Variants in EPHA10 observed in about 807,000 individuals in gnomAD.
EPHA10 encodes the protein EPH receptor A10, also known as ephrin type-A receptor 10.
Under a neutral mutation model 109.7 loss-of-function variants are expected in EPHA10, and 120 were observed. That is an observed-to-expected ratio of 1.09 (90% CI 0.94 to 1.27). The LOEUF (loss-of-function observed/expected upper bound fraction) is 1.27, where lower values mean the gene tolerates loss of function less well. Among genes scored for constraint, EPHA10 ranks in the 50% most tolerant of loss-of-function variants. The pLI, the probability that EPHA10 is intolerant of heterozygous loss-of-function variation, is 0.00. For missense variants in EPHA10, 1,396 were observed against 1,411.1 expected, an observed-to-expected ratio of 0.99 and a Z score of 0.17; for synonymous variants, 640 against 618.9, an observed-to-expected ratio of 1.03 and a Z score of -0.51.
chr1:37,727,201 C>A lies in EPHA10; in HGVS notation c.1673G>T (p.Gly558Val). 6.2e-7 allele frequency: 1 copy of A among 1,601,216 alleles called. No individual in the cohort carries two copies. Among genetic ancestry groups the A allele is most frequent in the Non-Finnish European group, 8.5e-7 (1 of 1,173,588 alleles). ...AATGGCGGGGCTCTGGTCCCTGGAC[C>A]CTGAGGCAGCTGGGAGGAAAATCAC... ...EVQTLGEAASGSRDQSPAIVV... is the reference protein window; with the variant it reads ...EVQTLGEAASVSRDQSPAIVV... Residue 558 changes from glycine to valine, a missense_variant, in exon 8 of 17, where the codon GGG (glycine) becomes GTG (valine). Gly to Val is a moderately radical substitution (Grantham distance 109). Coordinates refer to ENST00000373048, the MANE Select transcript of EPHA10 (RefSeq NM_001099439.2).
intron 5 of EPHA10, among the ~76,000 whole-genome samples, chr1:37,743,688 A>G (rs2148349287): frequency 6.6e-6 from 1 of 152,346 alleles, no homozygotes; most frequent in African/African-American, 2.4e-5. Context: ...CTCAGTGTAA[A>G]ATACTCATTG....
intron 7 of EPHA10, among the ~76,000 whole-genome samples, chr1:37,729,548 T>G (rs1289937759): frequency 2.6e-5 from 4 of 151,290 alleles, no homozygotes; most frequent in Non-Finnish European, 5.9e-5. Flanking sequence ...CATAGCAAGA[T>G]TCCATCGCTC....
intron 5 of EPHA10, among the ~76,000 whole-genome samples, chr1:37,735,798 T>C (rs1348599322): frequency 6.6e-6 from 1 of 151,984 alleles, no homozygotes; most frequent in East Asian, 1.9e-4. Context: ...ATTCCAATGG[T>C]CTGGTCAAGA....
At chr1:37,719,757 C>T in intron 14 of EPHA10, 150 bp from the exon 15 acceptor site, 1 of 1,451,438 alleles carries the variant, frequency 6.9e-7, no homozygotes. Context: ...CCCAAGGAAG[C>T]CTGGGGCAGT....
intron 5 of EPHA10, among the ~76,000 whole-genome samples, chr1:37,751,404 ACT>A (rs1293606099): frequency 6.6e-6 from 1 of 151,338 alleles, no homozygotes; most frequent in African/African-American, 2.4e-5. Context: ...CCCCATCTCT[ACT>A]AAAAATACAA....
intron 2 of EPHA10, 92 bp downstream of exon 2, chr1:37,762,693 C>T (rs1206098936): frequency 8.3e-7 from 1 of 1,210,820 alleles, no homozygotes; most frequent in South Asian, 1.9e-5. Context: ...CTGAGGAGCA[C>T]TTTTGTCTGA....
chr1:37,757,713 C>T (rs1646401407), intron 3 of EPHA10, among the ~76,000 whole-genome samples: 1 of 152,170 alleles, frequency 6.6e-6, no homozygotes, highest in South Asian at 2.1e-4. Context: ...AAACCTCCTC[C>T]TCTCACTCCT....
intron 11 of EPHA10, 80 bp downstream of exon 11, chr1:37,721,580 G>C: frequency 1.4e-6 from 2 of 1,409,968 alleles, no homozygotes; most frequent in Non-Finnish European, 1.9e-6. Flanking sequence ...GAGAGGCAGG[G>C]GCACTCCAAA....
At chr1:37,725,180 T>C (rs12747993) in intron 8 of EPHA10, among the ~76,000 whole-genome samples, 41,495 of 151,754 alleles carry the variant, frequency 0.27, 5,967 homozygotes, top group Middle Eastern at 0.43. Context: ...AAAGACAGGG[T>C]GTCTGCAGAC....
chr1:37,731,520 G>A lies in EPHA10; in HGVS notation c.1554C>T (p.Asn518=). 3 of 1,614,136 alleles carry A rather than the reference G, an allele frequency of 1.9e-6. No individual in the cohort carries two copies. The highest frequency in any genetic ancestry group is 2.2e-5 in the South Asian group (2 of 91,078). Residue 518 remains asparagine (N), a synonymous_variant, in exon 7 of 17, where the codon AAC becomes AAT. Transcript: ENST00000373048. Reference sequence around the variant, plus strand: ...AGACGTAGCGGGTAGCCGGCTTCAGGTTGGTGACGGTGACTGTGGGCGCCC... The same window carrying A: ...AGACGTAGCGGGTAGCCGGCTTCAGATTGGTGACGGTGACTGTGGGCGCCC... ...KTGAPTVTVT[N]LKPATRYVFQ... is the part of the protein sequence containing the mutation.
rs186529448 is a variant in EPHA10, at chr1:37,749,889, G to A, written c.1357+2987C>T. 6.8e-4 allele frequency among the ~76,000 whole-genome samples: 103 copies of A among 152,252 alleles called. 1 individual carries two copies. The highest frequency in any genetic ancestry group is 1.7e-3 in the African/African-American group (69 of 41,540). On this transcript the variant is annotated intron_variant, in intron 5 of 16. Coordinates refer to ENST00000373048, the MANE Select transcript of EPHA10 (RefSeq NM_001099439.2). ...CTGTACAGCCTGGGTGACAGCATGT[G>A]ACTGTACTGAATACTACAGGCAACT...
intron 10 of EPHA10, chr1:37,722,817 G>A: frequency 1.5e-6 from 1 of 687,750 alleles, no homozygotes; most frequent in East Asian, 2.9e-5. Context: ...TGAGGACCAG[G>A]AGAGGGTCAC....
In EPHA10 at chr1:37,719,331, G is replaced by A. The variant is rs1569616210; in HGVS notation, c.2756+83C>T. 18 of 1,469,326 alleles carry A rather than the reference G, an allele frequency of 1.2e-5. No individual in the cohort carries two copies. The East Asian group carries it at 4.0e-4, about 32-fold the overall frequency. 91.0% of individuals were successfully genotyped at this position (1,469,326 alleles called of 1,614,324 possible). On this transcript the variant is annotated intron_variant, in intron 15 of 16. Coordinates refer to ENST00000373048, the MANE Select transcript of EPHA10 (RefSeq NM_001099439.2). The stretch of plus-strand genomic sequence containing the variant: ...TTGCTCTTGGACAGGTGGGGTGGTG[G>A]AGGCGGTGGGTTTGCACTTGCAACA...
chr1:37,740,894 A>G (rs1371933830), intron 5 of EPHA10, among the ~76,000 whole-genome samples: 2 of 152,212 alleles, frequency 1.3e-5, no homozygotes, highest in African/African-American at 2.4e-5. Context: ...ACGCATAAAA[A>G]GAGAAGAGGA....
chr1:37,744,220 T>G (rs1295868398), intron 5 of EPHA10, among the ~76,000 whole-genome samples: 1 of 152,048 alleles, frequency 6.6e-6, no homozygotes. Flanking sequence ...TTCATCAAAA[T>G]TAAAAGCTTT....
At position 37,742,597 on chromosome 1, in the gene EPHA10, G is replaced by GA. The variant is rs1203207573; in HGVS notation, c.1358-7208dup. Among the ~76,000 whole-genome samples, 6 of 133,738 alleles carry GA rather than the reference G, an allele frequency of 4.5e-5. 3 individuals carry two copies. The highest frequency in any genetic ancestry group is 1.0e-4 in the Non-Finnish European group (6 of 60,102). 87.7% of individuals were successfully genotyped at this position (133,738 alleles called of 152,430 possible). ...ATGAGAATGGCAGAGTGGACAGACA[G>GA]AAAAAACCTAGGTCCTTGAGGACAC... On this transcript the variant is annotated intron_variant, in intron 5 of 16. Coordinates refer to ENST00000373048, the MANE Select transcript of EPHA10 (RefSeq NM_001099439.2).
chr1:37,745,080 G>T (rs1380754793), intron 5 of EPHA10, among the ~76,000 whole-genome samples: 1 of 152,122 alleles, frequency 6.6e-6, no homozygotes, highest in African/African-American at 2.4e-5. Flanking sequence ...GGCAGGGAAG[G>T]GTCCTCCTCT....
At chr1:37,743,664 T>C (rs1646188209) in intron 5 of EPHA10, among the ~76,000 whole-genome samples, 1 of 55,834 alleles carries the variant, frequency 1.8e-5, no homozygotes, top group Non-Finnish European at 4.3e-5. Context: ...CAGTGTTCAA[T>C]AAATTACATG....
intron 5 of EPHA10, among the ~76,000 whole-genome samples, chr1:37,750,045 A>T (rs1646299483): frequency 6.6e-6 from 1 of 152,202 alleles, no homozygotes; most frequent in Non-Finnish European, 1.5e-5. Flanking sequence ...AACAAAAGGG[A>T]TTTTATAGGT....
Sources: gnomAD v4.1 joint callset for allele counts (sites outside exome capture counted in the v4.1 genomes callset) on GRCh38, gnomAD v4.1.1 for gene constraint, MANE v1.5 for transcripts, NCBI Gene and HGNC (gene_info 2026-07-23, HGNC 2026-07-21) for gene names.